ADNP: variants seen among roughly 807,000 people sequenced by gnomAD.
ADNP encodes the protein activity dependent neuroprotector homeobox, also known as activity-dependent neuroprotector homeobox protein.
In ADNP, 4 loss-of-function variants were observed where a neutral mutation model predicts 84.9. That is an observed-to-expected ratio of 0.05 (90% CI 0.02 to 0.11). The LOEUF (loss-of-function observed/expected upper bound fraction) is 0.11. Among genes scored for constraint, ADNP ranks in the 10% least tolerant of loss-of-function variants. ADNP has a pLI of 1.00. For synonymous variants in ADNP, 554 were observed against 468.1 expected (o/e 1.18, Z -2.37); for missense variants, 1,132 against 1,326.0 (o/e 0.85, Z 2.27).
At chr20:50,900,732 C>T (rs1458767372) in intron 5 of ADNP, among the ~76,000 whole-genome samples, 1 of 152,144 alleles carries the variant, frequency 6.6e-6, no homozygotes, top group Non-Finnish European at 1.5e-5. Flanking sequence ...ATCTTTTATT[C>T]CTTTCCTCAT....
Position 50,892,951 on chromosome 20 carries a change from G to A in ADNP, c.1763C>T (p.Pro588Leu), listed in dbSNP as rs1257455186. 1 of 1,614,222 alleles carries A rather than the reference G, an allele frequency of 6.2e-7. No homozygotes were observed. Among genetic ancestry groups the A allele is most frequent in the African/African-American group, 1.3e-5 (1 of 75,060 alleles). Residue 588 changes from proline to leucine, a missense_variant, in exon 6 of 6, where the codon CCA becomes CTA. Coordinates refer to ENST00000621696, the MANE Select transcript of ADNP (RefSeq NM_001282531.3). ...SVAYHAQNNPPVPPKPQPKVQ... is the reference protein window; with the variant it reads ...SVAYHAQNNPLVPPKPQPKVQ... Reference sequence around the variant, plus strand: ...CTTTGGCTGTGGCTTTGGAGGAACTGGAGGATTATTTTGGGCATGGTAAGC... The same window carrying A: ...CTTTGGCTGTGGCTTTGGAGGAACTAGAGGATTATTTTGGGCATGGTAAGC...
intron 2 of ADNP, among the ~76,000 whole-genome samples, chr20:50,919,519 A>G (rs1241691794): frequency 6.6e-6 from 1 of 151,960 alleles, no homozygotes; most frequent in Admixed American, 6.6e-5. Flanking sequence ...GCAGGCACTC[A>G]ATAAATTCAG....
At chr20:50,919,425 A>C (rs1361775494) in intron 2 of ADNP, among the ~76,000 whole-genome samples, 1 of 151,920 alleles carries the variant, frequency 6.6e-6, no homozygotes, top group Non-Finnish European at 1.5e-5. Context: ...ACTATACTCC[A>C]GCCTGCGTTA....
intron 2 of ADNP, among the ~76,000 whole-genome samples, chr20:50,920,846 T>G (rs1201853906): frequency 6.6e-6 from 1 of 152,174 alleles, no homozygotes; most frequent in African/African-American, 2.4e-5. Flanking sequence ...TGTAAAAAAT[T>G]TGTACCTTAT....
At position 50,893,130 on chromosome 20, in the gene ADNP, G is replaced by A. The variant is rs146843778; in HGVS notation, c.1584C>T (p.Ala528=). The change falls in exon 6 of 6, where the codon GCC becomes GCT. Residue 528 remains alanine, a synonymous_variant. Coordinates refer to ENST00000621696, the MANE Select transcript of ADNP (RefSeq NM_001282531.3). The surrounding 1 kb of genome is among the most constrained non-coding windows in gnomAD (Gnocchi z 4.4). ...RSTFNDVEKM[A]AHMRMVHIDE... is the part of the protein sequence containing the mutation. ...CAATGTGAACCATCCGCATGTGTGCGGCCATCTTTTCCACATCATTGAAAG... is the reference window on the plus strand; with the variant it reads ...CAATGTGAACCATCCGCATGTGTGCAGCCATCTTTTCCACATCATTGAAAG... The A allele has an allele frequency of 1.8e-5, 29 of 1,614,204 alleles. No homozygotes were observed. Among genetic ancestry groups the A allele is most frequent in the Middle Eastern group, 1.6e-4 (1 of 6,062 alleles).
intron 4 of ADNP, among the ~76,000 whole-genome samples, chr20:50,903,069 C>A (rs1248916400): frequency 6.6e-6 from 1 of 152,208 alleles, no homozygotes; most frequent in Admixed American, 6.5e-5. Context: ...CAAACACTTA[C>A]TGATCACCTA....
intron 2 of ADNP, among the ~76,000 whole-genome samples, chr20:50,928,030 T>G (rs1029904931): frequency 1.3e-5 from 2 of 152,208 alleles, no homozygotes; most frequent in African/African-American, 2.4e-5. Flanking sequence ...ATATGTGATT[T>G]TTCACAATGA....
Position 50,889,913 on chromosome 20 carries a change from TAC to T in ADNP, c.*1490_*1491del. 2 of 398,534 alleles carry T rather than the reference TAC, an allele frequency of 5.0e-6. No individual in the cohort carries two copies. Among genetic ancestry groups the T allele is most frequent in the African/African-American group, 2.1e-5 (1 of 48,718 alleles). The allele number at this position is 398,534 out of a possible 1,614,324, so 24.7% of individuals were successfully genotyped here. On this transcript the variant is annotated 3_prime_UTR_variant, in exon 6 of 6. Coordinates refer to ENST00000621696, the MANE Select transcript of ADNP (RefSeq NM_001282531.3). ...CAAATAGAGGCAGAGCCGCCTGCAC[TAC>T]AGTTGTTCCCATCGTAAGGTGAAAA...
intron 2 of ADNP, among the ~76,000 whole-genome samples, chr20:50,912,336 G>A (rs1035831062): frequency 3.9e-5 from 6 of 152,108 alleles, no homozygotes; most frequent in Non-Finnish European, 8.8e-5. Context: ...TTTTAGCAGA[G>A]ATGGGGTTTC....
At chr20:50,905,767 T>C (rs1982417458) in intron 2 of ADNP, among the ~76,000 whole-genome samples, 1 of 152,226 alleles carries the variant, frequency 6.6e-6, no homozygotes, top group Admixed American at 6.5e-5. Flanking sequence ...ATCTGCATAT[T>C]GTGAAGCCAA....
At chr20:50,899,266 A>AGC (rs1158262863) in intron 5 of ADNP, among the ~76,000 whole-genome samples, 1 of 149,740 alleles carries the variant, frequency 6.7e-6, no homozygotes, top group East Asian at 2.0e-4. Flanking sequence ...GCACGATCTC[A>AGC]GCTCACTGCA....
chr20:50,921,971 T>C (rs962264022), intron 2 of ADNP, among the ~76,000 whole-genome samples: 2 of 151,912 alleles, frequency 1.3e-5, no homozygotes, highest in Non-Finnish European at 2.9e-5. Context: ...GCATAAAGAG[T>C]GATTCTAGCA....
chr20:50,930,273 G>A (rs1049165646), intron 1 of ADNP, among the ~76,000 whole-genome samples: 1 of 152,196 alleles, frequency 6.6e-6, no homozygotes, highest in Admixed American at 6.5e-5. Context: ...GTCAGGATAA[G>A]AGGAAAGCTG....
At position 50,930,836 on chromosome 20, in the gene ADNP, C is replaced by G. The variant is rs1984685753; in HGVS notation, c.-275G>C. 6.8e-6 allele frequency: 1 copy of G among 147,270 alleles called. No homozygotes were observed. The highest frequency in any genetic ancestry group is 1.5e-5 in the Non-Finnish European group (1 of 65,990). 9.1% of individuals were successfully genotyped at this position (147,270 alleles called of 1,614,324 possible). A position where few individuals can be genotyped will look rare whatever the true frequency, so the allele number is the denominator to read the frequency against. On this transcript the variant is annotated 5_prime_UTR_variant, in exon 1 of 6. Transcript: ENST00000621696. ...CGGCGCCGGGCTTACCTTGACTCGGCCTCGAGGCGCGCGCGGGGCCGGCGT... is the reference window on the plus strand; with the variant it reads ...CGGCGCCGGGCTTACCTTGACTCGGGCTCGAGGCGCGCGCGGGGCCGGCGT...
chr20:50,901,908 C>T (rs1982024131), intron 5 of ADNP, 109 bp downstream of exon 5: 10 of 846,928 alleles, frequency 1.2e-5, no homozygotes, highest in East Asian at 7.5e-5. Context: ...TTGACACTTT[C>T]GATGTTTGGC....
In ADNP at chr20:50,892,004, A is replaced by G; in HGVS notation, c.2710T>C (p.Ser904Pro). The change falls in exon 6 of 6, where the codon TCT (serine) becomes CCT (proline). Residue 904 changes from serine to proline, a missense_variant. Ser to Pro is a moderately conservative substitution (Grantham distance 74). Coordinates refer to ENST00000621696, the MANE Select transcript of ADNP (RefSeq NM_001282531.3). ...ACATGTTCCTCTGGGTTATCGTTAG[A>G]GATTTTAGGTTCAACTTCAAAAACA... ...DPVFEVEPKI[S>P]NDNPEEHVLK... The G allele has an allele frequency of 6.2e-7, 1 of 1,614,186 alleles. No individual in the cohort carries two copies.
At chr20:50,900,078 T>A (rs1981815390) in intron 5 of ADNP, among the ~76,000 whole-genome samples, 1 of 152,170 alleles carries the variant, frequency 6.6e-6, no homozygotes, top group Admixed American at 6.5e-5. Context: ...TGATGTACAA[T>A]AATGTCCCTT....
rs111868544 is a variant in ADNP, at chr20:50,925,565, G to T, written c.-90+3086C>A. 7.3e-3 allele frequency among the ~76,000 whole-genome samples: 1,106 copies of T among 152,310 alleles called. 24 individuals carry two copies. The highest frequency in any genetic ancestry group is 0.025 in the African/African-American group (1,060 of 41,572). On this transcript the variant is annotated intron_variant, in intron 2 of 5. Transcript: ENST00000621696. ...AAATCACAATGGCCACCCACAATGG[G>T]CAAAGCATGGACGGTTTATCAAATA...
chr20:50,893,932 A>C lies in ADNP; in HGVS notation c.782T>G (p.Val261Gly). 1 of 1,614,128 alleles carries C rather than the reference A, an allele frequency of 6.2e-7. No individual in the cohort carries two copies. The highest frequency in any genetic ancestry group is 1.1e-5 in the South Asian group (1 of 91,082). Residue 261 changes from valine to glycine, a missense_variant, in exon 6 of 6, where the codon GTG (valine) becomes GGG (glycine). Physicochemically the swap from Val to Gly is moderately radical, Grantham distance 109. Coordinates refer to ENST00000621696, the MANE Select transcript of ADNP (RefSeq NM_001282531.3). This position sits in a 1 kb window ranked among gnomAD's most constrained non-coding sequence, Gnocchi z 4.4. Reference sequence around the variant, plus strand: ...CATCAAGGGTTTGGATCGGGGAACCACTACATTTGTGTGCCCAATCATGGC... The same window carrying C: ...CATCAAGGGTTTGGATCGGGGAACCCCTACATTTGTGTGCCCAATCATGGC... ...VTAMIGHTNV[V>G]VPRSKPLMLI...
Sources: gnomAD v4.1 joint callset for allele counts (sites outside exome capture counted in the v4.1 genomes callset) on GRCh38, gnomAD v4.1.1 for gene constraint, Gnocchi (gnomAD v3.1) non-coding constraint, MANE v1.5 for transcripts, NCBI Gene and HGNC (gene_info 2026-07-23, HGNC 2026-07-21) for gene names.